FILIP1: variants seen among roughly 807,000 people sequenced by gnomAD.
FILIP1 encodes filamin A interacting protein 1, also known as filamin-A-interacting protein 1.
FILIP1 carries 61 observed loss-of-function variants against 102.1 expected under a neutral mutation model. That is an observed-to-expected ratio of 0.60 (90% CI 0.49 to 0.74). The LOEUF is 0.74. Ranked by LOEUF, FILIP1 falls within the 30% of genes least tolerant of loss-of-function variation. FILIP1 has a pLI of 0.00. For synonymous variants in FILIP1, 491 were observed against 526.9 expected, an observed-to-expected ratio of 0.93 and a Z score of 0.93; for missense variants, 1,314 against 1,441.2, an observed-to-expected ratio of 0.91 and a Z score of 1.43.
At chr6:75,473,522 A>G (rs1212885468) in intron 1 of FILIP1, among the ~76,000 whole-genome samples, 1 of 152,122 alleles carries the variant, frequency 6.6e-6, no homozygotes, top group Non-Finnish European at 1.5e-5. Flanking sequence ...CCAGTGTTTC[A>G]AGAAAAAAAA....
chr6:75,486,832 T>C (rs2149785313), intron 1 of FILIP1, among the ~76,000 whole-genome samples: 1 of 152,238 alleles, frequency 6.6e-6, no homozygotes, highest in Admixed American at 6.5e-5. Context: ...TCCTATCATT[T>C]TATATAGTAA....
At chr6:75,321,936 G>A (rs182280094) in intron 4 of FILIP1, among the ~76,000 whole-genome samples, 1 of 152,274 alleles carries the variant, frequency 6.6e-6, no homozygotes, top group Admixed American at 6.5e-5. Context: ...ACCTATGGAA[G>A]GCCTGTGCAG....
chr6:75,430,546 TATA>T (rs1478370869), intron 1 of FILIP1, among the ~76,000 whole-genome samples: 1 of 152,114 alleles, frequency 6.6e-6, no homozygotes, highest in African/African-American at 2.4e-5. Context: ...CATAAATATA[TATA>T]ATAACAGCTC....
At chr6:75,390,164 C>T (rs1776237079) in intron 2 of FILIP1, among the ~76,000 whole-genome samples, 1 of 152,148 alleles carries the variant, frequency 6.6e-6, no homozygotes. Flanking sequence ...TGCCCAACAA[C>T]TCAGAAGCAG....
rs201283216 is a variant in FILIP1, at chr6:75,312,732, G to A, written c.3100C>T (p.Arg1034Trp). 2.7e-5 allele frequency: 43 copies of A among 1,614,160 alleles called. No homozygotes were observed. Among genetic ancestry groups the A allele is most frequent in the East Asian group, 4.5e-5 (2 of 44,876 alleles). The part of the protein sequence containing the change: ...SPESQEMPMG[R>W]TILKVTPEKQ... ...TCTGGGGTGACTTTGAGGATTGTCC[G>A]TCCCATGGGCATTTCCTGGGATTCG... Residue 1034 changes from arginine (R) to tryptophan (W), a missense_variant, in exon 5 of 6, where the codon CGG (arginine) becomes TGG (tryptophan). Transcript: ENST00000237172.
Position 75,430,823 on chromosome 6 carries a change from A to G in FILIP1, c.-6-15845T>C, listed in dbSNP as rs533056758. On this transcript the variant is annotated intron_variant, in intron 1 of 5. Transcript: ENST00000237172. ...ACAGAGGTGCAGGCTTTGAAGATTG[A>G]GCATTTCCCAGCAGATGGTACTCCT... 6.6e-5 allele frequency among the ~76,000 whole-genome samples: 10 copies of G among 152,304 alleles called. No homozygotes were observed. In the South Asian group the frequency reaches 2.1e-3, roughly 32 times the overall value.
chr6:75,451,545 C>A (rs1362618728), intron 1 of FILIP1, among the ~76,000 whole-genome samples: 1 of 151,956 alleles, frequency 6.6e-6, no homozygotes, highest in Non-Finnish European at 1.5e-5. Context: ...AAAAGAGTTA[C>A]AAAGGCCAGG....
intron 2 of FILIP1, among the ~76,000 whole-genome samples, chr6:75,364,509 A>G (rs1775267201): frequency 6.6e-6 from 1 of 152,204 alleles, no homozygotes; most frequent in Non-Finnish European, 1.5e-5. Context: ...GTAGACTGCT[A>G]TTGGTCTTCA....
At chr6:75,322,895 T>C (rs1773710531) in intron 4 of FILIP1, among the ~76,000 whole-genome samples, 1 of 152,162 alleles carries the variant, frequency 6.6e-6, no homozygotes, top group Non-Finnish European at 1.5e-5. Context: ...GGTTTTACCA[T>C]CTCGGCCAGG....
intron 2 of FILIP1, among the ~76,000 whole-genome samples, chr6:75,367,050 T>C (rs1477616932): frequency 6.6e-6 from 1 of 152,184 alleles, no homozygotes; most frequent in African/African-American, 2.4e-5. Context: ...AATACGCAAA[T>C]ATTATTGGTA....
chr6:75,394,484 G>A (rs371322616), intron 2 of FILIP1, among the ~76,000 whole-genome samples: 1 of 151,990 alleles, frequency 6.6e-6, no homozygotes, highest in South Asian at 2.1e-4. Flanking sequence ...TGCCAAAAGT[G>A]AAGTCAAAAT....
chr6:75,343,353 C>A (rs886166359), intron 4 of FILIP1, among the ~76,000 whole-genome samples: 1 of 152,178 alleles, frequency 6.6e-6, no homozygotes. Context: ...CTCTTGGACT[C>A]CACCTGGTAA....
At chr6:75,332,711 G>C (rs10943241) in intron 4 of FILIP1, among the ~76,000 whole-genome samples, 102,024 of 152,070 alleles carry the variant, frequency 0.67, 34,404 homozygotes, top group Middle Eastern at 0.75. Flanking sequence ...TTCACAGTAT[G>C]AGGGTCTCCC....
rs771831041 is a variant in FILIP1 at position 75,314,488 on chromosome 6, C to T, written c.1344G>A (p.Glu448=). 4.5e-5 allele frequency: 73 copies of T among 1,604,588 alleles called. No homozygotes were observed. The highest frequency in any genetic ancestry group is 5.5e-5 in the Non-Finnish European group (65 of 1,177,652). ...CCAGATTTAAATGTAGCTGGGTGCA[C>T]TCAGATTTACTCTTGCTAAATGCTT... ...LEEAFSKSKS[E]CTQLHLNLEK... Residue 448 remains glutamate (E), a synonymous_variant, in exon 5 of 6, where the codon GAG becomes GAA. Coordinates refer to ENST00000237172, the MANE Select transcript of FILIP1 (RefSeq NM_015687.5).
chr6:75,462,609 T>C (rs1779058100), intron 1 of FILIP1, among the ~76,000 whole-genome samples: 1 of 152,166 alleles, frequency 6.6e-6, no homozygotes, highest in Admixed American at 6.5e-5. Context: ...CACACATACA[T>C]ATACCTATAC....
At chr6:75,465,608 G>A (rs146664235) in intron 1 of FILIP1, 153 of 382,516 alleles carry the variant, frequency 4.0e-4, no homozygotes, top group Non-Finnish European at 6.8e-4. Flanking sequence ...CCCCTCATTC[G>A]ATTTAAGCAG....
At chr6:75,381,018 G>C (rs1775891322) in intron 2 of FILIP1, among the ~76,000 whole-genome samples, 1 of 151,710 alleles carries the variant, frequency 6.6e-6, no homozygotes, top group Non-Finnish European at 1.5e-5. Flanking sequence ...TTCTGGTATT[G>C]CTCTCTTTTG....
intron 2 of FILIP1, chr6:75,366,060 A>T (rs1487336479): frequency 6.6e-6 from 1 of 152,238 alleles, no homozygotes; most frequent in East Asian, 1.9e-4. Context: ...ACACCAGTAA[A>T]GCCAGAGGTA....
In FILIP1 at chr6:75,369,886, C is replaced by G. The variant is rs113856635; in HGVS notation, c.277-6969G>C. 2.9e-3 allele frequency among the ~76,000 whole-genome samples: 444 copies of G among 152,302 alleles called. 2 individuals carry two copies. Among genetic ancestry groups the G allele is most frequent in the African/African-American group, 0.01 (421 of 41,554 alleles). ...GGGACAGACTCTTAGACGATGTAAC[C>G]ATGACCCCAGCACGATGATCCACTC... is the stretch of plus-strand genomic sequence containing the variant. On this transcript the variant is annotated intron_variant, in intron 2 of 5. Transcript: ENST00000237172.
Sources: gnomAD v4.1 joint callset for allele counts (sites outside exome capture counted in the v4.1 genomes callset) on GRCh38, gnomAD v4.1.1 for gene constraint, MANE v1.5 for transcripts, NCBI Gene and HGNC (gene_info 2026-07-23, HGNC 2026-07-21) for gene names.